The following XKR9 variants were observed in gnomAD, a reference collection of about 807,000 sequenced individuals.
XKR9 encodes XK related 9, also known as XK-related protein 9.
Under a neutral mutation model 32.0 loss-of-function variants are expected in XKR9, and 32 were observed. The ratio of observed to expected loss-of-function variants is 1.00; its 90% CI spans 0.76 to 1.34. The LOEUF (loss-of-function observed/expected upper bound fraction) is 1.34. Among genes scored for constraint, XKR9 ranks in the 40% most tolerant of loss-of-function variants. The pLI is 0.00. For synonymous variants in XKR9, 168 were observed against 143.4 expected (o/e 1.17, Z -1.22); for missense variants, 546 against 429.7 (o/e 1.27, Z -2.39).
chr8:70,707,726 A>G (rs1277201213), intron 4 of XKR9, among the ~76,000 whole-genome samples: 3 of 152,048 alleles, frequency 2.0e-5, no homozygotes, highest in Non-Finnish European at 4.4e-5. Context: ...TTACTGGGTA[A>G]GAGTGTAAAT....
chr8:70,875,222 A>T, the XKR9 span, among the ~76,000 whole-genome samples: 1 of 152,150 alleles, frequency 6.6e-6, no homozygotes, highest in Admixed American at 6.6e-5. Context: ...TTTGCTCACT[A>T]GTTTCTCTAC....
chr8:70,694,244 G>A (rs1212104278), intron 3 of XKR9, among the ~76,000 whole-genome samples: 1 of 152,194 alleles, frequency 6.6e-6, no homozygotes, highest in East Asian at 1.9e-4. Flanking sequence ...AACAGGATTG[G>A]CACCCACTTA....
the XKR9 span, among the ~76,000 whole-genome samples, chr8:70,818,824 T>A: frequency 6.6e-6 from 1 of 152,176 alleles, no homozygotes; most frequent in African/African-American, 2.4e-5. Flanking sequence ...CTATTTACAG[T>A]GTAGTTGCAG....
At chr8:70,729,565 G>A (rs1016117408) in intron 4 of XKR9, among the ~76,000 whole-genome samples, 3 of 152,036 alleles carry the variant, frequency 2.0e-5, no homozygotes, top group Non-Finnish European at 2.9e-5. Context: ...TTTTGTAGCT[G>A]ATTAGGAAAC....
the XKR9 span, among the ~76,000 whole-genome samples, chr8:70,972,200 T>C: frequency 3.7e-4 from 57 of 152,246 alleles, 1 homozygote; most frequent in East Asian, 8.3e-3. Context: ...TTCCTAAGTA[T>C]TTTATTTTAT....
rs1395645476 is a variant in XKR9 at position 70,735,845 on chromosome 8, T to C, written c.*1421T>C. The C allele has an allele frequency of 1.3e-5, 2 of 152,114 alleles. No homozygotes were observed. Among genetic ancestry groups the C allele is most frequent in the African/African-American group, 4.8e-5 (2 of 41,392 alleles). 9.4% of individuals were successfully genotyped at this position (152,114 alleles called of 1,614,324 possible). A position where few individuals can be genotyped will look rare whatever the true frequency, so the allele number is the denominator to read the frequency against. ...TCCATGGTGTATATGTGCCACATTT[T>C]CTTAATCCAGTCTATTGTTGTTGGA... On this transcript the variant is annotated 3_prime_UTR_variant, in exon 5 of 5. Transcript: ENST00000408926.
chr8:71,014,796 T>A, the XKR9 span, among the ~76,000 whole-genome samples: 3 of 152,190 alleles, frequency 2.0e-5, no homozygotes, highest in Non-Finnish European at 4.4e-5. Flanking sequence ...ATGCTTTAAG[T>A]TAGTCTACTT....
chr8:71,035,379 T>G, the XKR9 span, among the ~76,000 whole-genome samples: 1 of 152,106 alleles, frequency 6.6e-6, no homozygotes, highest in African/African-American at 2.4e-5. Context: ...AAACAAGAGG[T>G]CTACAAGCTG....
At chr8:71,062,311 C>T in the XKR9 span, among the ~76,000 whole-genome samples, 1 of 152,102 alleles carries the variant, frequency 6.6e-6, no homozygotes, top group African/African-American at 2.4e-5. Flanking sequence ...TCTCACTGTT[C>T]CAGAGACTGG....
chr8:70,917,024 A>G, the XKR9 span, among the ~76,000 whole-genome samples: 1 of 152,154 alleles, frequency 6.6e-6, no homozygotes, highest in Non-Finnish European at 1.5e-5. Flanking sequence ...TTCACTGTCC[A>G]TGAATCTTGC....
Position 70,784,045 on chromosome 8 carries a change from T to C in XKR9, n.353-5294T>C, listed in dbSNP as rs190896274. Among the ~76,000 whole-genome samples the C allele has an allele frequency of 4.7e-3, 709 of 152,302 alleles. 19 individuals are homozygous for C. The highest frequency in any genetic ancestry group is 0.038 in the Admixed American group (574 of 15,296). On this transcript the variant is annotated intron_variant and non_coding_transcript_variant, in intron 2 of 3. Transcript: ENST00000520273. ...GAGTTTATTTCTGGGATCTCTCTTC[T>C]GTTCTGCTGTTCTATATGTCTACTT... is the stretch of plus-strand genomic sequence containing the variant.
the XKR9 span, among the ~76,000 whole-genome samples, chr8:70,891,175 T>C: frequency 6.6e-6 from 1 of 151,838 alleles, no homozygotes; most frequent in Admixed American, 6.6e-5. Flanking sequence ...ATTCAGGCCT[T>C]TTGTCTTTTT....
chr8:70,978,142 TG>T, the XKR9 span, among the ~76,000 whole-genome samples: 2 of 152,168 alleles, frequency 1.3e-5, no homozygotes, highest in Non-Finnish European at 2.9e-5. Context: ...GCACGTGAGA[TG>T]GGTCTCCTGA....
chr8:70,864,048 C>A, the XKR9 span, among the ~76,000 whole-genome samples: 14 of 152,262 alleles, frequency 9.2e-5, 1 homozygote, highest in East Asian at 2.3e-3. Context: ...AATACTTACA[C>A]TTTAGCTTTG....
chr8:70,852,751 G>A, the XKR9 span, among the ~76,000 whole-genome samples: 1 of 152,060 alleles, frequency 6.6e-6, no homozygotes, highest in African/African-American at 2.4e-5. Flanking sequence ...CACAGGAACA[G>A]AAAACTAAAC....
chr8:71,050,234 G>GATATATATAT, the XKR9 span, among the ~76,000 whole-genome samples: 35 of 95,956 alleles, frequency 3.6e-4, no homozygotes, highest in Middle Eastern at 0.012. Flanking sequence ...ATGCCTGGCA[G>GATATATATAT]AGATATATAT....
intron 2 of XKR9, among the ~76,000 whole-genome samples, chr8:70,779,614 T>C (rs1807587669): frequency 6.6e-6 from 1 of 152,194 alleles, no homozygotes; most frequent in East Asian, 1.9e-4. Context: ...GGCTATTAAT[T>C]ATTGCCTCAA....
the XKR9 span, among the ~76,000 whole-genome samples, chr8:70,810,615 A>G: frequency 6.6e-6 from 1 of 152,338 alleles, no homozygotes; most frequent in East Asian, 1.9e-4. Flanking sequence ...CAAATGGAAA[A>G]CAAAAAAAGG....
chr8:70,977,227 G>A, the XKR9 span, among the ~76,000 whole-genome samples: 1 of 151,984 alleles, frequency 6.6e-6, no homozygotes, highest in African/African-American at 2.4e-5. Context: ...GGTTTTTTGT[G>A]TCTCTATCTC....
Sources: gnomAD v4.1 joint callset for allele counts (sites outside exome capture counted in the v4.1 genomes callset) on GRCh38, gnomAD v4.1.1 for gene constraint, MANE v1.5 for transcripts, NCBI Gene and HGNC (gene_info 2026-07-23, HGNC 2026-07-21) for gene names.